OLAH: variants seen among roughly 807,000 people sequenced by gnomAD.
The protein encoded by OLAH is oleoyl-ACP hydrolase, also known as S-acyl fatty acid synthase thioesterase, medium chain.
Under a neutral mutation model 27.8 loss-of-function variants are expected in OLAH, and 33 were observed. The observed-to-expected ratio is 1.19, with a 90% CI of 0.90 to 1.59. OLAH has a LOEUF of 1.59. Ranked by LOEUF, OLAH falls within the 40% of genes most tolerant of loss-of-function variation. OLAH has a pLI of 0.00. For synonymous variants in OLAH, 120 were observed against 102.9 expected (o/e 1.17, Z -1.01); for missense variants, 359 against 310.8 (o/e 1.16, Z -1.17).
chr10:15,060,099 C>T lies in OLAH; in HGVS notation c.164-1625C>T, dbSNP rs114588257. ...GACTCCAATTACACCTATGTTAGAT[C>T]GATTTATAGTGTACCACAGTGTACT... On this transcript the variant is annotated intron_variant, in intron 3 of 7. Transcript: ENST00000378228. 7.7e-3 allele frequency among the ~76,000 whole-genome samples: 1,175 copies of T among 152,024 alleles called. 16 individuals carry two copies. The highest frequency in any genetic ancestry group is 0.027 in the African/African-American group (1,123 of 41,484).
chr10:15,050,225 C>G (rs1564528332), intron 3 of OLAH, among the ~76,000 whole-genome samples: 1 of 152,170 alleles, frequency 6.6e-6, no homozygotes, highest in Non-Finnish European at 1.5e-5. Context: ...CAAGACCAGT[C>G]TGGGCAACAC....
chr10:15,048,613 C>G (rs1179380782), intron 2 of OLAH, among the ~76,000 whole-genome samples: 2 of 152,300 alleles, frequency 1.3e-5, no homozygotes, highest in African/African-American at 2.4e-5. Flanking sequence ...AAAAGTGGCT[C>G]TGGAGATCAT....
upstream of OLAH, among the ~76,000 whole-genome samples, chr10:15,040,376 G>T (rs888323886): frequency 6.6e-6 from 1 of 152,160 alleles, no homozygotes; most frequent in Non-Finnish European, 1.5e-5. Flanking sequence ...GAAAGATACA[G>T]ATTTCAGTCA....
chr10:15,054,391 TCTCTC>T (rs1844205868), intron 3 of OLAH, among the ~76,000 whole-genome samples: 1 of 152,190 alleles, frequency 6.6e-6, no homozygotes, highest in African/African-American at 2.4e-5. Context: ...CTTGCCTCAG[TCTCTC>T]AGTCTGCCTT....
At chr10:15,045,180 G>C (rs1843991595) in intron 1 of OLAH, among the ~76,000 whole-genome samples, 1 of 152,158 alleles carries the variant, frequency 6.6e-6, no homozygotes, top group Non-Finnish European at 1.5e-5. Flanking sequence ...TATTTCTTGA[G>C]TAAACTTGGA....
rs749192389 is a variant in OLAH, at chr10:15,065,706, A to G, written c.525A>G (p.Gln175=). Reference sequence around the variant, plus strand: ...CTGAAGCCAAGGAATTTGTGAAACAATGTAGTCCCATCATAAGGGCAGATC... The same window carrying G: ...CTGAAGCCAAGGAATTTGTGAAACAGTGTAGTCCCATCATAAGGGCAGATC... ...HFAEAKEFVK[Q]CSPIIRADLN... is the part of the protein sequence containing the mutation. Residue 175 remains glutamine, a synonymous_variant, in exon 6 of 8, where the codon CAA becomes CAG. Coordinates refer to ENST00000378228, the MANE Select transcript of OLAH (RefSeq NM_001039702.3). The G allele has an allele frequency of 1.9e-6, 3 of 1,614,130 alleles. No homozygotes were observed. Among genetic ancestry groups the G allele is most frequent in the Admixed American group, 3.3e-5 (2 of 60,000 alleles).
At chr10:15,050,780 A>G (rs1007141001) in intron 3 of OLAH, among the ~76,000 whole-genome samples, 1 of 151,734 alleles carries the variant, frequency 6.6e-6, no homozygotes, top group Non-Finnish European at 1.5e-5. Flanking sequence ...TGACCTTGTG[A>G]TCCGCCCGCC....
In OLAH at chr10:15,034,802, TTC is replaced by T. The variant is rs777204930; in HGVS notation, c.-164+2454_-164+2455del. On this transcript the variant is annotated intron_variant, in intron 1 of 3. Coordinates refer to the OLAH transcript ENST00000413672. ...AGTTTTCATTTTTTCTTTTCTTTCT[TTC>T]TTTTTTTTTTTTTTTGAGACGGGTC... is the stretch of plus-strand genomic sequence containing the variant. Among the ~76,000 whole-genome samples the T allele has an allele frequency of 8.1e-3, 465 of 57,482 alleles. 15 individuals carry two copies. In the South Asian group the frequency reaches 0.16, roughly 20 times the overall value. The allele number at this position is 57,482 out of a possible 152,430, so 37.7% of individuals were successfully genotyped here.
chr10:15,046,901 G>C (rs1844028892), intron 1 of OLAH, among the ~76,000 whole-genome samples: 1 of 152,148 alleles, frequency 6.6e-6, no homozygotes, highest in Non-Finnish European at 1.5e-5. Flanking sequence ...TGGAAATGTT[G>C]CATCTTTGTC....
intron 1 of OLAH, among the ~76,000 whole-genome samples, chr10:15,035,264 T>G (rs1385655932): frequency 6.6e-6 from 1 of 152,234 alleles, no homozygotes; most frequent in African/African-American, 2.4e-5. Context: ...ATCCCGAGGC[T>G]GGTGCCAAAC....
intron 3 of OLAH, among the ~76,000 whole-genome samples, chr10:15,056,368 G>A (rs1219513686): frequency 2.0e-5 from 3 of 151,924 alleles, no homozygotes; most frequent in Non-Finnish European, 4.4e-5. Flanking sequence ...TCAACTACAA[G>A]AAATATTGTC....
At chr10:15,064,597 C>A in intron 5 of OLAH, 95 bp downstream of exon 5, 1 of 690,696 alleles carries the variant, frequency 1.4e-6, no homozygotes, top group Non-Finnish European at 2.4e-6. Flanking sequence ...GAATTCTGGT[C>A]CAGTATGATG....
At chr10:15,060,585 T>C (rs559089882) in intron 3 of OLAH, among the ~76,000 whole-genome samples, 1 of 152,226 alleles carries the variant, frequency 6.6e-6, no homozygotes, top group African/African-American at 2.4e-5. Flanking sequence ...TTTTCAGATA[T>C]TTTACATCTC....
chr10:15,051,405 C>T (rs767591711), intron 3 of OLAH, among the ~76,000 whole-genome samples: 1 of 152,194 alleles, frequency 6.6e-6, no homozygotes, highest in African/African-American at 2.4e-5. Context: ...GATTTAATCC[C>T]GTCTCTGTGC....
intron 1 of OLAH, among the ~76,000 whole-genome samples, chr10:15,046,827 T>G (rs1352462921): frequency 2.0e-5 from 3 of 152,144 alleles, no homozygotes; most frequent in African/African-American, 7.2e-5. Context: ...CTTACCCTAA[T>G]TTTCTAGTAT....
intron 3 of OLAH, among the ~76,000 whole-genome samples, chr10:15,057,511 G>A (rs370745316): frequency 2.0e-5 from 3 of 149,424 alleles, no homozygotes; most frequent in East Asian, 2.0e-4. Context: ...ACAGCCTTCC[G>A]AGTAGCTGTG....
chr10:15,054,676 G>T (rs986261948), intron 3 of OLAH, among the ~76,000 whole-genome samples: 1 of 151,868 alleles, frequency 6.6e-6, no homozygotes, highest in African/African-American at 2.4e-5. Flanking sequence ...TCTCTGTCCC[G>T]CTTTTGTTTC....
At chr10:15,063,493 A>G (rs1249024919) in intron 4 of OLAH, among the ~76,000 whole-genome samples, 1 of 152,194 alleles carries the variant, frequency 6.6e-6, no homozygotes, top group African/African-American at 2.4e-5. Flanking sequence ...CGCAATGAAC[A>G]TGGTGCTGAG....
At chr10:15,040,887 C>T (rs765546436), upstream of OLAH, among the ~76,000 whole-genome samples, 2 of 152,142 alleles carry the variant, frequency 1.3e-5, no homozygotes, top group African/African-American at 2.4e-5. Context: ...CTCAAACCAT[C>T]CCTTTCTCTC....
Sources: allele counts gnomAD v4.1 joint callset (sites outside exome capture counted in the v4.1 genomes callset), GRCh38; gene constraint gnomAD v4.1.1; transcripts MANE v1.5; gene names NCBI Gene and HGNC (gene_info 2026-07-23, HGNC 2026-07-21).